Variants in RIMS1 observed in about 807,000 individuals in gnomAD.
The protein encoded by RIMS1 is regulating synaptic membrane exocytosis protein 1.
RIMS1 carries 83 observed loss-of-function variants against 214.1 expected under a neutral mutation model. That is an observed-to-expected ratio of 0.39 (90% confidence interval 0.32 to 0.47). The LOEUF is 0.47. Among genes scored for constraint, RIMS1 ranks in the 20% least tolerant of loss-of-function variants. The probability of loss-of-function intolerance (pLI) is 0.99; values close to 1 mark genes in which losing one functional copy is unlikely to be tolerated. For missense variants in RIMS1, 2,050 were observed against 2,161.8 expected (o/e 0.95, Z 1.03); for synonymous variants, 793 against 786.8 (o/e 1.01, Z -0.13).
intron 2 of RIMS1, among the ~76,000 whole-genome samples, chr6:72,065,398 T>C (rs1829038621): frequency 6.6e-6 from 1 of 152,196 alleles, no homozygotes; most frequent in Non-Finnish European, 1.5e-5. Flanking sequence ...TAATAGAAAT[T>C]GCAAAAGGTT....
chr6:72,217,909 A>T (rs1298287426), intron 6 of RIMS1, among the ~76,000 whole-genome samples: 5 of 152,112 alleles, frequency 3.3e-5, no homozygotes, highest in African/African-American at 1.2e-4. Flanking sequence ...CTAGTGACTA[A>T]CCCCTTCTGG....
intron 2 of RIMS1, among the ~76,000 whole-genome samples, chr6:72,050,939 A>G (rs1585713782): frequency 6.6e-6 from 1 of 152,142 alleles, no homozygotes; most frequent in African/African-American, 2.4e-5. Flanking sequence ...AGTTCCAATG[A>G]CATCAGATAT....
Position 72,283,898 on chromosome 6 carries a change from ATTTG to A in RIMS1, c.3483-145_3483-142del, listed in dbSNP as rs2091331518. 7 of 579,120 alleles carry A rather than the reference ATTTG, an allele frequency of 1.2e-5. No individual in the cohort carries two copies. The South Asian group carries it at 1.5e-4, about 12-fold the overall frequency. The allele number at this position is 579,120 out of a possible 1,614,324, so 35.9% of individuals were successfully genotyped here. Reference sequence around the variant, plus strand: ...ATTTTATTCATTCATTCATTCATTTATTTGTTTATTTAGTTTTGAAAAGTACTGA... The same window carrying A: ...ATTTTATTCATTCATTCATTCATTTATTTATTTAGTTTTGAAAAGTACTGA... On this transcript the variant is annotated intron_variant, in intron 23 of 33. Transcript: ENST00000521978.
chr6:72,244,987 T>C (rs1157884532), intron 10 of RIMS1, among the ~76,000 whole-genome samples: 1 of 151,934 alleles, frequency 6.6e-6, no homozygotes, highest in Non-Finnish European at 1.5e-5. Flanking sequence ...TAATCTTAAA[T>C]TGATATTAAA....
At chr6:72,342,617 A>T (rs1384877321) in intron 29 of RIMS1, among the ~76,000 whole-genome samples, 2 of 144,112 alleles carry the variant, frequency 1.4e-5, no homozygotes, top group Non-Finnish European at 3.1e-5. Flanking sequence ...GAGTAGTAAG[A>T]GTAAGATGGG....
chr6:72,081,336 T>A lies in RIMS1; in HGVS notation c.246-15613T>A, dbSNP rs72934862. Among the ~76,000 whole-genome samples, 1,514 of 152,292 alleles carry A rather than the reference T, an allele frequency of 9.9e-3. 14 individuals are homozygous for A. The highest frequency in any genetic ancestry group is 0.024 in the Middle Eastern group (7 of 294). On this transcript the variant is annotated intron_variant, in intron 2 of 33. Coordinates refer to ENST00000521978, the MANE Select transcript of RIMS1 (RefSeq NM_014989.7). ...ATAGAACTGTTGACTTGGAATTAGA[T>A]CATGGTTAATTTGATTGGATCATGA...
At position 72,386,727 on chromosome 6, in the gene RIMS1, CTTTCTT is replaced by C. The variant is rs1277673523; in HGVS notation, c.4367-3867_4367-3862del. Among the ~76,000 whole-genome samples, 494 of 142,556 alleles carry C rather than the reference CTTTCTT, an allele frequency of 3.5e-3. 2 individuals are homozygous for C. Among genetic ancestry groups the C allele is most frequent in the African/African-American group, 0.012 (456 of 38,758 alleles). 93.5% of individuals were successfully genotyped at this position (142,556 alleles called of 152,430 possible). A position where few individuals can be genotyped will look rare whatever the true frequency, so the allele number is the denominator to read the frequency against. On this transcript the variant is annotated intron_variant, in intron 29 of 33. Transcript: ENST00000521978. ...CGATATTGTATCTTCGTTTCACTGT[CTTTCTT>C]TTTTTTTTTTTTTTTTTTGAGATGG...
intron 4 of RIMS1, among the ~76,000 whole-genome samples, chr6:72,171,502 T>C (rs1266259633): frequency 6.6e-6 from 1 of 152,102 alleles, no homozygotes; most frequent in East Asian, 1.9e-4. Flanking sequence ...ATTATAATGC[T>C]GATAATGCTT....
In RIMS1 at chr6:72,402,820, T is replaced by C. The variant is rs2098842776; in HGVS notation, c.*2106T>C. 1 of 152,642 alleles carries C rather than the reference T, an allele frequency of 6.6e-6. No individual in the cohort carries two copies. The highest frequency in any genetic ancestry group is 2.1e-4 in the South Asian group (1 of 4,830). The allele number at this position is 152,642 out of a possible 1,614,324, so 9.5% of individuals were successfully genotyped here. A position where few individuals can be genotyped will look rare whatever the true frequency, so the allele number is the denominator to read the frequency against. ...CTTTTCATGTCAGTCAGTAGCCATA[T>C]GTGTTCTATGTCTTGCCAGATTTCC... On this transcript the variant is annotated 3_prime_UTR_variant, in exon 34 of 34. Transcript: ENST00000521978.
rs9442738 is a variant in RIMS1, at chr6:72,100,101, A to G, written c.471+115A>G. ...TATATTTCACAAGAAATTATATACT[A>G]GGAAGAGCTCATTTCCAGCTCTCAT... On this transcript the variant is annotated intron_variant, in intron 4 of 33. Coordinates refer to ENST00000521978, the MANE Select transcript of RIMS1 (RefSeq NM_014989.7). 1,603 of 803,812 alleles carry G rather than the reference A, an allele frequency of 2.0e-3. 23 individuals are homozygous for G. The African/African-American group carries it at 0.026, about 13-fold the overall frequency. 49.8% of individuals were successfully genotyped at this position (803,812 alleles called of 1,614,324 possible). A position where few individuals can be genotyped will look rare whatever the true frequency, so the allele number is the denominator to read the frequency against.
At chr6:72,246,176 T>C (rs1054699116) in intron 11 of RIMS1, among the ~76,000 whole-genome samples, 1 of 152,178 alleles carries the variant, frequency 6.6e-6, no homozygotes, top group Non-Finnish European at 1.5e-5. Flanking sequence ...ACATTTATTG[T>C]GATACTGGAT....
At chr6:72,392,517 T>C (rs12191762) in intron 30 of RIMS1, among the ~76,000 whole-genome samples, 181 bp from the exon 31 acceptor site, 25,767 of 152,114 alleles carry the variant, frequency 0.17, 2,685 homozygotes, top group Non-Finnish European at 0.23. Context: ...ACACCTTTCC[T>C]CAGTCAATGT....
intron 24 of RIMS1, among the ~76,000 whole-genome samples, chr6:72,287,255 A>T (rs1011928383): frequency 6.6e-6 from 1 of 152,236 alleles, no homozygotes; most frequent in Non-Finnish European, 1.5e-5. Flanking sequence ...GTAACGGACC[A>T]GCACAGTAGG....
intron 6 of RIMS1, among the ~76,000 whole-genome samples, chr6:72,209,060 C>G (rs1408767740): frequency 6.6e-6 from 1 of 152,072 alleles, no homozygotes; most frequent in African/African-American, 2.4e-5. Context: ...CTTTAACACA[C>G]TGTAAAACAA....
At chr6:72,385,570 G>A (rs2098581663) in intron 29 of RIMS1, among the ~76,000 whole-genome samples, 1 of 152,170 alleles carries the variant, frequency 6.6e-6, no homozygotes, top group African/African-American at 2.4e-5. Context: ...AGAAAGACAG[G>A]TTTCTAATTC....
rs886061722 is a variant in RIMS1, at chr6:72,402,419, C to T, written c.*1705C>T. On this transcript the variant is annotated 3_prime_UTR_variant, in exon 34 of 34. Coordinates refer to ENST00000521978, the MANE Select transcript of RIMS1 (RefSeq NM_014989.7). ...TCCGGAAAACGTGATGTAGTACGGA[C>T]CAAATTCCTTCTAATAAATATTTTG... 2.0e-5 allele frequency: 3 copies of T among 152,620 alleles called. No homozygotes were observed. The highest frequency in any genetic ancestry group is 4.8e-5 in the African/African-American group (2 of 41,452). 9.5% of individuals were successfully genotyped at this position (152,620 alleles called of 1,614,324 possible).
intron 1 of RIMS1, among the ~76,000 whole-genome samples, chr6:71,895,908 T>G (rs987374589): frequency 1.3e-5 from 2 of 152,166 alleles, no homozygotes; most frequent in African/African-American, 4.8e-5. Flanking sequence ...CTTAGCGTAT[T>G]GGTAGAAAGA....
intron 2 of RIMS1, among the ~76,000 whole-genome samples, chr6:72,018,930 G>A (rs866660065): frequency 5.3e-5 from 8 of 152,258 alleles, no homozygotes; most frequent in Middle Eastern, 6.8e-3. Context: ...ATGCTGAGTT[G>A]GAATGCACAA....
rs767447737 is a variant in RIMS1, at chr6:72,217,215, A to C, written c.1679-16558A>C. ...TGTTTGCTGGGTTTCTGCAGTTTCT[A>C]CTACTTCATACATTGCACTCAGGAA... On this transcript the variant is annotated intron_variant, in intron 6 of 33. Coordinates refer to ENST00000521978, the MANE Select transcript of RIMS1 (RefSeq NM_014989.7). 6 of 1,536,556 alleles carry C rather than the reference A, an allele frequency of 3.9e-6. No homozygotes were observed. The African/African-American group carries it at 8.2e-5, about 21-fold the overall frequency.
Sources: gnomAD v4.1 joint callset for allele counts (sites outside exome capture counted in the v4.1 genomes callset) on GRCh38, gnomAD v4.1.1 for gene constraint, MANE v1.5 for transcripts, NCBI Gene and HGNC (gene_info 2026-07-23, HGNC 2026-07-21) for gene names.